Variants in DIP2C observed in about 807,000 individuals in gnomAD.
The protein encoded by DIP2C is DIP2 acetate--CoA ligase C (putative), also known as disco-interacting protein 2 homolog C.
In DIP2C, 33 loss-of-function variants were observed where a neutral mutation model predicts 192.4. The ratio of observed to expected loss-of-function variants is 0.17; its 90% CI spans 0.13 to 0.23. DIP2C has a LOEUF of 0.23. DIP2C is among the 10% of genes least tolerant of loss of function. DIP2C has a pLI of 1.00. For missense variants in DIP2C, 1,537 were observed against 2,110.1 expected (o/e 0.73, Z 5.32); for synonymous variants, 979 against 864.1 (o/e 1.13, Z -2.33).
intron 6 of DIP2C, 103 bp downstream of exon 6, chr10:418,962 C>T (rs1965986490): frequency 1.3e-6 from 2 of 1,531,722 alleles, no homozygotes; most frequent in African/African-American, 2.7e-5. Context: ...TTTGTCAGAA[C>T]CGATTGTACC....
chr10:400,590 G>A (rs1432117718), intron 9 of DIP2C, among the ~76,000 whole-genome samples: 3 of 151,186 alleles, frequency 2.0e-5, no homozygotes, highest in African/African-American at 2.4e-5. Flanking sequence ...CTTCCTTATG[G>A]ACAAGTTTGG....
intron 1 of DIP2C, among the ~76,000 whole-genome samples, chr10:561,445 T>C (rs1849212937): frequency 6.6e-6 from 1 of 152,170 alleles, no homozygotes; most frequent in South Asian, 2.1e-4. Flanking sequence ...CTCCAGGGCC[T>C]CTCATTTGAG....
chr10:549,397 C>T (rs977672913), intron 1 of DIP2C, among the ~76,000 whole-genome samples: 3 of 152,156 alleles, frequency 2.0e-5, no homozygotes, highest in Non-Finnish European at 4.4e-5. Context: ...TGAGAAGATA[C>T]AACGCGTCCA....
chr10:564,469 G>A (rs1849363109), intron 1 of DIP2C, among the ~76,000 whole-genome samples: 1 of 152,176 alleles, frequency 6.6e-6, no homozygotes, highest in Admixed American at 6.5e-5. Context: ...TCCAGGGACA[G>A]GGGCAAGTCT....
intron 7 of DIP2C, among the ~76,000 whole-genome samples, chr10:414,739 G>GTGTGTGTTTATATATA: frequency 1.1e-5 from 1 of 90,510 alleles, no homozygotes; most frequent in Non-Finnish European, 2.1e-5. Flanking sequence ...GTGTGTGTGT[G>GTGTGTGTTTATATATA]TACATATATA....
chr10:388,474 G>A (rs1963166417), intron 13 of DIP2C, among the ~76,000 whole-genome samples: 1 of 152,206 alleles, frequency 6.6e-6, no homozygotes, highest in Admixed American at 6.5e-5. Context: ...CCCTTCCAAA[G>A]GCTAAAGTGT....
chr10:613,370 T>C (rs1853230035), intron 1 of DIP2C, among the ~76,000 whole-genome samples: 1 of 152,040 alleles, frequency 6.6e-6, no homozygotes, highest in African/African-American at 2.4e-5. Flanking sequence ...CACGCCTGCA[T>C]CTGAGCTGAG....
chr10:525,449 T>C (rs1354657320), intron 1 of DIP2C, among the ~76,000 whole-genome samples: 1 of 152,198 alleles, frequency 6.6e-6, no homozygotes, highest in Admixed American at 6.5e-5. Context: ...AGATACTAAT[T>C]AGTAAAACAA....
intron 1 of DIP2C, among the ~76,000 whole-genome samples, chr10:533,221 G>C (rs967198189): frequency 6.6e-6 from 1 of 152,126 alleles, no homozygotes; most frequent in Non-Finnish European, 1.5e-5. Context: ...TATGAGGAGA[G>C]AAAGAAAGAA....
At chr10:484,787 G>A (rs1016792890) in intron 2 of DIP2C, 2 of 1,610,890 alleles carry the variant, frequency 1.2e-6, no homozygotes, top group Non-Finnish European at 1.7e-6. Flanking sequence ...TCACCGAAAC[G>A]AAAGTAAAAC....
chr10:484,954 A>G (rs367545301), intron 2 of DIP2C: 1 of 1,603,568 alleles, frequency 6.2e-7, no homozygotes, highest in Non-Finnish European at 8.5e-7. Context: ...CGCTGCTGTA[A>G]CAAGTTGAAA....
intron 1 of DIP2C, among the ~76,000 whole-genome samples, chr10:490,407 C>G (rs1301193440): frequency 6.6e-6 from 1 of 152,248 alleles, no homozygotes. Context: ...TCTGTTATCC[C>G]GCTAGGCGTA....
chr10:290,848 C>T (rs1289461263), intron 32 of DIP2C, among the ~76,000 whole-genome samples: 1 of 152,240 alleles, frequency 6.6e-6, no homozygotes, highest in African/African-American at 2.4e-5. Flanking sequence ...AATCCTCAGT[C>T]ATCTCTACTT....
At chr10:640,394 C>G (rs1855104627) in intron 1 of DIP2C, among the ~76,000 whole-genome samples, 1 of 152,258 alleles carries the variant, frequency 6.6e-6, no homozygotes, top group South Asian at 2.1e-4. Flanking sequence ...CTCCCCTGCA[C>G]TTCAACCCGA....
intron 36 of DIP2C, 107 bp downstream of exon 36, chr10:281,093 C>A: frequency 1.3e-6 from 2 of 1,493,470 alleles, no homozygotes; most frequent in Non-Finnish European, 1.8e-6. Flanking sequence ...ATCGCACCCC[C>A]TTCCCTACCT....
chr10:640,447 C>T (rs1488125790), intron 1 of DIP2C, among the ~76,000 whole-genome samples: 1 of 152,226 alleles, frequency 6.6e-6, no homozygotes, highest in African/African-American at 2.4e-5. Flanking sequence ...CCAAGGCTCC[C>T]TTGCGCCCTG....
intron 24 of DIP2C, among the ~76,000 whole-genome samples, chr10:350,509 G>C (rs868183704): frequency 1.3e-5 from 2 of 152,034 alleles, no homozygotes; most frequent in African/African-American, 4.8e-5. Flanking sequence ...TTTGTGATCA[G>C]ATTCTGTCTC....
intron 2 of DIP2C, among the ~76,000 whole-genome samples, chr10:474,982 G>A (rs1443848004): frequency 6.6e-6 from 1 of 151,924 alleles, no homozygotes; most frequent in East Asian, 1.9e-4. Context: ...TCTTCTCACG[G>A]GGGCACACCA....
intron 1 of DIP2C, among the ~76,000 whole-genome samples, chr10:548,677 T>C (rs938317860): frequency 2.6e-5 from 4 of 150,964 alleles, no homozygotes; most frequent in Non-Finnish European, 1.5e-5. Flanking sequence ...GGAGGAGACA[T>C]GGCTGGAGGG....
Sources: allele counts gnomAD v4.1 joint callset (sites outside exome capture counted in the v4.1 genomes callset), GRCh38; gene constraint gnomAD v4.1.1; transcripts MANE v1.5; gene names NCBI Gene and HGNC (gene_info 2026-07-23, HGNC 2026-07-21).